RBPJ: variants seen among roughly 807,000 people sequenced by gnomAD.
RBPJ encodes recombination signal binding protein for immunoglobulin kappa J region.
In RBPJ, 9 loss-of-function variants were observed where a neutral mutation model predicts 67.8. The ratio of observed to expected loss-of-function variants is 0.13; its 90% CI spans 0.08 to 0.23. The LOEUF (loss-of-function observed/expected upper bound fraction) is 0.23, where lower values mean the gene tolerates loss of function less well. Ranked by LOEUF, RBPJ falls within the 10% of genes least tolerant of loss-of-function variation. RBPJ has a pLI of 1.00. For synonymous variants in RBPJ, 198 were observed against 203.3 expected, an observed-to-expected ratio of 0.97 and a Z score of 0.22; for missense variants, 305 against 595.6, an observed-to-expected ratio of 0.51 and a Z score of 5.08.
At position 26,210,681 on chromosome 4, in the gene RBPJ, TCTTTC is replaced by T. The variant is rs201739243; in HGVS notation, c.-167+47073_-167+47077del. Among the ~76,000 whole-genome samples, 71 of 37,982 alleles carry T rather than the reference TCTTTC, an allele frequency of 1.9e-3. 3 individuals are homozygous for T. The highest frequency in any genetic ancestry group is 2.3e-3 in the African/African-American group (18 of 7,976). 24.9% of individuals were successfully genotyped at this position (37,982 alleles called of 152,430 possible). ...TTTCTTTTTTCTTTCTTTCTTTCTT[TCTTTC>T]CTTTCTTTCTTTCTTTCTTTCCTTC... On this transcript the variant is annotated intron_variant, in intron 1 of 4. Transcript: ENST00000512351.
chr4:26,244,399 A>ATATGTGTACG (rs1719832653), intron 1 of RBPJ, among the ~76,000 whole-genome samples: 1 of 6,746 alleles, frequency 1.5e-4, no homozygotes, highest in African/African-American at 5.2e-4. Context: ...ATATGTATGC[A>ATATGTGTACG]CATATGTGTG....
At chr4:26,354,753 A>C (rs1727183969) in intron 1 of RBPJ, among the ~76,000 whole-genome samples, 1 of 152,160 alleles carries the variant, frequency 6.6e-6, no homozygotes, top group African/African-American at 2.4e-5. Flanking sequence ...CTGGCCGGCA[A>C]AGAGATTTTA....
intron 4 of RBPJ, among the ~76,000 whole-genome samples, chr4:26,417,811 ATTAG>A (rs1417958358): frequency 6.6e-6 from 1 of 152,198 alleles, no homozygotes; most frequent in Non-Finnish European, 1.5e-5. Flanking sequence ...GAGTGGTACA[ATTAG>A]TTATTGAGAA....
At chr4:26,380,115 A>G (rs1730163029) in intron 1 of RBPJ, among the ~76,000 whole-genome samples, 1 of 152,166 alleles carries the variant, frequency 6.6e-6, no homozygotes, top group African/African-American at 2.4e-5. Context: ...GACTTAAGCT[A>G]TTTTCTGCAC....
intron 1 of RBPJ, among the ~76,000 whole-genome samples, chr4:26,244,435 A>ACATATGTGTACG (rs1719847882): frequency 8.9e-3 from 11 of 1,242 alleles, no homozygotes; most frequent in African/African-American, 0.014. Context: ...ATATATGTAT[A>ACATATGTGTACG]CATATGTGTG....
intron 1 of RBPJ, among the ~76,000 whole-genome samples, chr4:26,175,501 A>T (rs1239490150): frequency 1.3e-5 from 2 of 152,216 alleles, no homozygotes; most frequent in African/African-American, 2.4e-5. Flanking sequence ...AGTTGCAGGG[A>T]GGTTTCTGGG....
chr4:26,210,758 T>TCCTA (rs761032212), intron 1 of RBPJ, among the ~76,000 whole-genome samples: 1 of 124,798 alleles, frequency 8.0e-6, no homozygotes, highest in Non-Finnish European at 1.7e-5. Context: ...TTTCCTTCTT[T>TCCTA]CTTTCTTTCT....
chr4:26,291,256 T>C lies in RBPJ; in HGVS notation c.-166-71190T>C, dbSNP rs901751868. Among the ~76,000 whole-genome samples the C allele has an allele frequency of 8.6e-5, 13 of 151,190 alleles. 2 individuals carry two copies. The highest frequency in any genetic ancestry group is 5.9e-4 in the Admixed American group (9 of 15,174). ...GGGTTATGGGTTAACATCTGCATCATTGAGGTCTATTCACAACAGGATATT... is the reference window on the plus strand; with the variant it reads ...GGGTTATGGGTTAACATCTGCATCACTGAGGTCTATTCACAACAGGATATT... On this transcript the variant is annotated intron_variant, in intron 1 of 4. Transcript: ENST00000512351.
intron 1 of RBPJ, among the ~76,000 whole-genome samples, chr4:26,215,817 T>G (rs1718705157): frequency 6.6e-6 from 1 of 152,100 alleles, no homozygotes; most frequent in Non-Finnish European, 1.5e-5. Context: ...CCCGCATCCC[T>G]CTCACCTCCT....
chr4:26,385,334 G>T (rs1480461430), intron 1 of RBPJ, among the ~76,000 whole-genome samples: 1 of 151,964 alleles, frequency 6.6e-6, no homozygotes, highest in Non-Finnish European at 1.5e-5. Flanking sequence ...TGTGTTTTCT[G>T]TATATTAATT....
chr4:26,320,862 C>T, upstream of RBPJ: 3 of 1,570,484 alleles, frequency 1.9e-6, no homozygotes, highest in Non-Finnish European at 2.6e-6. Flanking sequence ...ACTCTGCGGG[C>T]GGCGCGAGGC....
At chr4:26,415,446 G>GTTT in intron 3 of RBPJ, 29 bp from the exon 4 acceptor site, 19 of 1,210,380 alleles carry the variant, frequency 1.6e-5, no homozygotes, top group South Asian at 3.3e-5. Context: ...TTTGCTTCTT[G>GTTT]TTTTTTTTTT....
intron 1 of RBPJ, chr4:26,272,783 G>T (rs979035981): frequency 1.6e-5 from 7 of 439,120 alleles, no homozygotes; most frequent in African/African-American, 1.4e-4. Context: ...ACCAGGAAGG[G>T]GGTGATGGGA....
chr4:26,185,149 A>G (rs1717193366), intron 1 of RBPJ, among the ~76,000 whole-genome samples: 1 of 151,746 alleles, frequency 6.6e-6, no homozygotes, highest in South Asian at 2.1e-4. Flanking sequence ...CTAAAAAAAA[A>G]AAAAAAGAAA....
At chr4:26,338,024 T>C (rs887160769) in intron 1 of RBPJ, among the ~76,000 whole-genome samples, 2 of 151,896 alleles carry the variant, frequency 1.3e-5, no homozygotes, top group African/African-American at 4.8e-5. Context: ...ATTTATTTTT[T>C]GTCATACAGG....
the RBPJ span, among the ~76,000 whole-genome samples, chr4:26,138,415 GC>G: frequency 6.6e-6 from 1 of 151,786 alleles, no homozygotes; most frequent in East Asian, 1.9e-4. Flanking sequence ...AGGAGAGGAT[GC>G]GAAAACCAAG....
At chr4:26,349,973 A>C (rs548084920) in intron 1 of RBPJ, among the ~76,000 whole-genome samples, 69 of 152,194 alleles carry the variant, frequency 4.5e-4, no homozygotes, top group Non-Finnish European at 8.1e-4. Context: ...TAATGCTCTC[A>C]CTGTTATTTC....
At chr4:26,222,289 T>A (rs559239400) in intron 1 of RBPJ, among the ~76,000 whole-genome samples, 2 of 151,860 alleles carry the variant, frequency 1.3e-5, no homozygotes. Flanking sequence ...AGGTCAGGAG[T>A]TCGAGACCAG....
intron 5 of RBPJ, chr4:26,420,959 G>A: frequency 2.3e-6 from 1 of 432,632 alleles, no homozygotes; most frequent in South Asian, 3.3e-5. Context: ...GGGGAAATGG[G>A]AGATTTTCTC....
Sources: gnomAD v4.1 joint callset for allele counts (sites outside exome capture counted in the v4.1 genomes callset) on GRCh38, gnomAD v4.1.1 for gene constraint, MANE v1.5 for transcripts, NCBI Gene and HGNC (gene_info 2026-07-23, HGNC 2026-07-21) for gene names.